The following IL4I1 variants were observed in gnomAD, a reference collection of about 807,000 sequenced individuals.
The protein encoded by IL4I1 is interleukin 4 induced 1.
IL4I1 carries 24 observed loss-of-function variants against 29.7 expected under a neutral mutation model. The observed-to-expected ratio is 0.81, with a 90% CI of 0.59 to 1.14. The LOEUF (loss-of-function observed/expected upper bound fraction) is 1.14, where lower values mean the gene tolerates loss of function less well. IL4I1 is among the 50% of genes most tolerant of loss of function. The pLI, the probability that IL4I1 is intolerant of heterozygous loss-of-function variation, is 0.00. For synonymous variants in IL4I1, 371 were observed against 352.5 expected, an observed-to-expected ratio of 1.05 and a Z score of -0.59; for missense variants, 686 against 785.6, an observed-to-expected ratio of 0.87 and a Z score of 1.52.
intron 2 of IL4I1, among the ~76,000 whole-genome samples, chr19:49,918,909 C>CG (rs2075695020): frequency 6.2e-5 from 1 of 16,048 alleles, no homozygotes; most frequent in African/African-American, 2.3e-4. Context: ...GGGGGGGGGG[C>CG]GGGGTGTGGG....
At chr19:49,926,843 A>C (rs1010291059) in intron 2 of IL4I1, among the ~76,000 whole-genome samples, 1 of 145,142 alleles carries the variant, frequency 6.9e-6, no homozygotes, top group African/African-American at 2.5e-5. Flanking sequence ...TAACAGCCCT[A>C]AGAAGTAGGT....
chr19:49,912,163 C>A (rs1312003294), intron 2 of IL4I1, among the ~76,000 whole-genome samples: 2 of 137,882 alleles, frequency 1.5e-5, no homozygotes, highest in African/African-American at 2.6e-5. Context: ...CTTAACAGTT[C>A]ACCTTTTTTT....
chr19:49,895,031 G>A, intron 4 of IL4I1, 37 bp downstream of exon 4: 4 of 1,519,444 alleles, frequency 2.6e-6, no homozygotes, highest in Non-Finnish European at 2.7e-6. Context: ...GGGGCTAGTT[G>A]AGTCTAGGCA....
rs900920498 is a variant in IL4I1 at position 49,921,816 on chromosome 19, T to C, written c.-228+5878A>G. On this transcript the variant is annotated intron_variant, in intron 2 of 9. Coordinates refer to the IL4I1 transcript ENST00000341114. The surrounding 1 kb of genome is among the most constrained non-coding windows in gnomAD (Gnocchi z 5.4). ...GCTGGCTGGGCTCAAGCCCGGGTAC[T>C]TTCCTCCGTGCCCAAGCAACCCTGT... 1.3e-5 allele frequency among the ~76,000 whole-genome samples: 2 copies of C among 152,280 alleles called. No homozygotes were observed. Among genetic ancestry groups the C allele is most frequent in the Admixed American group, 6.5e-5 (1 of 15,298 alleles).
chr19:49,890,929 G>GCCCCCCCCCCCCCCCCCC, intron 7 of IL4I1, 42 bp downstream of exon 7: 2 of 454,448 alleles, frequency 4.4e-6, no homozygotes, highest in Admixed American at 4.8e-5. Context: ...TTCCCTGATT[G>GCCCCCCCCCCCCCCCCCC]CCCCCCGCCC....
chr19:49,908,600 A>G (rs767989169), intron 2 of IL4I1: 2 of 1,613,914 alleles, frequency 1.2e-6, no homozygotes, highest in Admixed American at 3.3e-5. Flanking sequence ...CAGGTCTTCC[A>G]GCTCCTTCTG....
chr19:49,926,175 C>T (rs980004727), intron 2 of IL4I1, among the ~76,000 whole-genome samples: 2 of 145,616 alleles, frequency 1.4e-5, no homozygotes, highest in Admixed American at 7.0e-5. Flanking sequence ...TGCCACTGCA[C>T]TCCAGCCTGG....
intron 2 of IL4I1, among the ~76,000 whole-genome samples, chr19:49,905,545 T>C (rs2075311182): frequency 1.3e-5 from 2 of 152,158 alleles, no homozygotes; most frequent in Non-Finnish European, 2.9e-5. Flanking sequence ...ACACCCATGG[T>C]TTCTACTTAG....
intron 2 of IL4I1, chr19:49,909,552 T>C: frequency 1.9e-6 from 3 of 1,614,132 alleles, no homozygotes; most frequent in Non-Finnish European, 2.5e-6. Context: ...GAAAATCCAG[T>C]TCCCCCCGAA....
chr19:49,909,055 A>G lies in IL4I1; in HGVS notation c.-227-4734T>C, dbSNP rs763809969. 3 of 1,612,980 alleles carry G rather than the reference A, an allele frequency of 1.9e-6. No homozygotes were observed. The African/African-American group carries it at 4.0e-5, about 22-fold the overall frequency. The stretch of plus-strand genomic sequence containing the variant: ...CCTTTAAGCTGAAGCCCTGTGTCCC[A>G]GCAGTGGGGGCGCCCGCTGTGGTCA... On this transcript the variant is annotated intron_variant, in intron 2 of 9. Coordinates refer to the IL4I1 transcript ENST00000341114.
chr19:49,927,300 C>A (rs983820199), intron 2 of IL4I1, among the ~76,000 whole-genome samples: 2 of 152,050 alleles, frequency 1.3e-5, no homozygotes, highest in Non-Finnish European at 2.9e-5. Flanking sequence ...AGAGTCTATG[C>A]CAGGTATGTA....
chr19:49,894,932 G>A, intron 4 of IL4I1, 136 bp downstream of exon 4: 1 of 676,296 alleles, frequency 1.5e-6, no homozygotes, highest in Non-Finnish European at 2.6e-6. Flanking sequence ...CAAGACTGAG[G>A]TGAGGATTAG....
upstream of IL4I1, chr19:49,901,651 T>G: frequency 6.5e-7 from 1 of 1,529,560 alleles, no homozygotes; most frequent in East Asian, 2.5e-5. Context: ...CATGGCTGCC[T>G]CTGGGGGGCT....
chr19:49,906,173 G>A (rs2075320434), intron 2 of IL4I1, among the ~76,000 whole-genome samples: 1 of 152,080 alleles, frequency 6.6e-6, no homozygotes, highest in Admixed American at 6.6e-5. Context: ...TGTAACCACT[G>A]GAATAGCGCC....
At chr19:49,891,540 G>T in intron 5 of IL4I1, 67 bp from the exon 6 acceptor site, 2 of 1,380,946 alleles carry the variant, frequency 1.4e-6, no homozygotes, top group Admixed American at 1.7e-5. Context: ...CGGGCCTGGA[G>T]CCCACACTCG....
Position 49,890,024 on chromosome 19 carries a change from G to A in IL4I1, c.1350C>T (p.Ser450=), listed in dbSNP as rs1445555364. ...VVKRWAEDQH[S]QGGFVVQPPA... The stretch of plus-strand genomic sequence containing the variant: ...GCGGCTGTACCACAAAGCCACCCTG[G>A]CTGTGCTGGTCCTCCGCCCAACGCT... The change falls in exon 8 of 8, where the codon AGC becomes AGT. Residue 450 remains serine (S), a synonymous_variant. Coordinates refer to ENST00000391826, the MANE Select transcript of IL4I1 (RefSeq NM_152899.2). 6.4e-7 allele frequency: 1 copy of A among 1,552,292 alleles called. No homozygotes were observed. The highest frequency in any genetic ancestry group is 2.0e-5 in the Admixed American group (1 of 51,224).
At chr19:49,920,160 G>A (rs1000113894) in intron 2 of IL4I1, among the ~76,000 whole-genome samples, 5 of 151,884 alleles carry the variant, frequency 3.3e-5, no homozygotes, top group African/African-American at 1.2e-4. Context: ...TCAGCTCATC[G>A]CAACCTCTGC....
intron 2 of IL4I1, among the ~76,000 whole-genome samples, chr19:49,919,954 G>T (rs1198012651): frequency 6.6e-6 from 1 of 151,924 alleles, no homozygotes; most frequent in Non-Finnish European, 1.5e-5. Context: ...CTAAGACAAG[G>T]TCTCACTCTG....
In IL4I1 at chr19:49,889,688, G is replaced by A. The variant is rs767084929; in HGVS notation, c.1686C>T (p.His562=). The change falls in exon 8 of 8, where the codon CAC becomes CAT. Residue 562 remains histidine (H), a synonymous_variant. Transcript: ENST00000391826. ...QGQLSLQNTT[H]TRTSH ...AAATACTTTAATGCGAGGTCCTCGT[G>A]TGGGTCGTGTTTTGGAGAGATAACT... 3 of 1,501,110 alleles carry A rather than the reference G, an allele frequency of 2.0e-6. No individual in the cohort carries two copies. Among genetic ancestry groups the A allele is most frequent in the Non-Finnish European group, 2.7e-6 (3 of 1,123,908 alleles). The allele number at this position is 1,501,110 out of a possible 1,614,324, so 93.0% of individuals were successfully genotyped here.
Sources: gnomAD v4.1 joint callset for allele counts (sites outside exome capture counted in the v4.1 genomes callset) on GRCh38, gnomAD v4.1.1 for gene constraint, Gnocchi (gnomAD v3.1) non-coding constraint, MANE v1.5 for transcripts, NCBI Gene and HGNC (gene_info 2026-07-23, HGNC 2026-07-21) for gene names.